The following KPNA7 variants were observed in gnomAD, a reference collection of about 807,000 sequenced individuals.
KPNA7 encodes the protein karyopherin subunit alpha 7.
KPNA7 carries 54 observed loss-of-function variants against 53.7 expected under a neutral mutation model. That is an observed-to-expected ratio of 1.01 (90% CI 0.81 to 1.26). KPNA7 has a LOEUF of 1.26. Among genes scored for constraint, KPNA7 ranks in the 50% most tolerant of loss-of-function variants. The pLI, the probability that KPNA7 is intolerant of heterozygous loss-of-function variation, is 0.00. For missense variants in KPNA7, 640 were observed against 644.5 expected, an observed-to-expected ratio of 0.99 and a Z score of 0.07; for synonymous variants, 276 against 259.3, an observed-to-expected ratio of 1.06 and a Z score of -0.62.
At chr7:99,198,735 CT>C (rs1309574961) in intron 3 of KPNA7, among the ~76,000 whole-genome samples, 1 of 152,104 alleles carries the variant, frequency 6.6e-6, no homozygotes, top group African/African-American at 2.4e-5. Context: ...GGATATTGCT[CT>C]TTTCACTTTT....
intron 6 of KPNA7, among the ~76,000 whole-genome samples, chr7:99,190,544 G>C (rs375164808): frequency 3.9e-5 from 6 of 152,190 alleles, no homozygotes; most frequent in African/African-American, 1.4e-4. Context: ...AAACTTTTTC[G>C]GTAAAGGGCC....
At position 99,188,165 on chromosome 7, in the gene KPNA7, A is replaced by C. The variant is rs556579435; in HGVS notation, c.900+135T>G. ...ATTCCAGCCTGGGTGACAGAGCAAG[A>C]CTCTGTCTCAAAAAAAAAAAAAAAA... On this transcript the variant is annotated intron_variant, in intron 7 of 10. Coordinates refer to ENST00000327442, the MANE Select transcript of KPNA7 (RefSeq NM_001145715.3). The C allele has an allele frequency of 5.2e-4, 424 of 810,242 alleles. 1 individual carries two copies. The highest frequency in any genetic ancestry group is 3.4e-4 in the Non-Finnish European group (192 of 569,850). 50.2% of individuals were successfully genotyped at this position (810,242 alleles called of 1,614,324 possible). A position where few individuals can be genotyped will look rare whatever the true frequency, so the allele number is the denominator to read the frequency against.
intron 3 of KPNA7, among the ~76,000 whole-genome samples, chr7:99,199,651 T>G (rs1222319612): frequency 6.6e-6 from 1 of 152,182 alleles, no homozygotes; most frequent in Non-Finnish European, 1.5e-5. Flanking sequence ...GAAAGAAATA[T>G]AGGCACAAAT....
At chr7:99,194,091 T>A (rs1326109114) in intron 5 of KPNA7, among the ~76,000 whole-genome samples, 1 of 152,074 alleles carries the variant, frequency 6.6e-6, no homozygotes, top group Non-Finnish European at 1.5e-5. Context: ...GTCACGGGAG[T>A]TATTGCTTCT....
At chr7:99,167,650 T>TGG in the KPNA7 span, among the ~76,000 whole-genome samples, 9 of 80,488 alleles carry the variant, frequency 1.1e-4, no homozygotes, top group South Asian at 4.7e-4. Flanking sequence ...TTTTTTTTTT[T>TGG]TTGCATTTTT....
At chr7:99,181,759 T>C in intron 9 of KPNA7, 124 bp downstream of exon 9, 1 of 819,114 alleles carries the variant, frequency 1.2e-6, no homozygotes, top group East Asian at 3.0e-5. Context: ...CTCAAATTCC[T>C]GACCTCAGGT....
At position 99,192,070 on chromosome 7, in the gene KPNA7, T is replaced by C. The variant is rs564471708; in HGVS notation, c.636+949A>G. The stretch of plus-strand genomic sequence containing the variant: ...ACCACAAATCAACCAACCTTGACTC[T>C]AAGCCTCAAAAGAAGAGCCTGTTCC... On this transcript the variant is annotated intron_variant, in intron 6 of 10. Coordinates refer to ENST00000327442, the MANE Select transcript of KPNA7 (RefSeq NM_001145715.3). Among the ~76,000 whole-genome samples the C allele has an allele frequency of 2.6e-5, 4 of 152,314 alleles. No individual in the cohort carries two copies. The South Asian group carries it at 8.3e-4, about 32-fold the overall frequency.
chr7:99,186,550 C>G (rs1007982446), intron 7 of KPNA7, among the ~76,000 whole-genome samples: 2 of 152,096 alleles, frequency 1.3e-5, no homozygotes, highest in Non-Finnish European at 2.9e-5. Flanking sequence ...TGAGACCAGC[C>G]TGGCCAACAT....
At chr7:99,209,493 G>C (rs1193888036), upstream of KPNA7, among the ~76,000 whole-genome samples, 1 of 151,922 alleles carries the variant, frequency 6.6e-6, no homozygotes, top group African/African-American at 2.4e-5. Context: ...AGACCAGCCA[G>C]ACCAACATGG....
intron 8 of KPNA7, among the ~76,000 whole-genome samples, chr7:99,182,355 G>A (rs1482948025): frequency 7.2e-5 from 11 of 152,086 alleles, no homozygotes; most frequent in Non-Finnish European, 1.3e-4. Context: ...GTGCCACCAC[G>A]CCCAGCTAAT....
chr7:99,171,201 C>T (rs1798763689), downstream of KPNA7, among the ~76,000 whole-genome samples: 1 of 152,138 alleles, frequency 6.6e-6, no homozygotes, highest in Admixed American at 6.5e-5. Context: ...GTCTGGGTAA[C>T]AGAGCAAGAC....
At chr7:99,181,471 G>C (rs142031970) in intron 9 of KPNA7, among the ~76,000 whole-genome samples, 1 of 152,158 alleles carries the variant, frequency 6.6e-6, no homozygotes, top group African/African-American at 2.4e-5. Context: ...ATGGTCCTTC[G>C]AGATGGCTCT....
intron 9 of KPNA7, 35 bp downstream of exon 9, chr7:99,181,848 G>C (rs1299496139): frequency 2.0e-6 from 3 of 1,466,076 alleles, no homozygotes; most frequent in Non-Finnish European, 2.7e-6. Context: ...GTTGGAGACA[G>C]CTATTTACAA....
chr7:99,148,989 A>G, the KPNA7 span, among the ~76,000 whole-genome samples: 12 of 142,416 alleles, frequency 8.4e-5, no homozygotes, highest in African/African-American at 2.8e-4. Context: ...TCCACCTCCC[A>G]GATTCAAGCG....
chr7:99,180,770 TCTCTCTCTCTCTCCCC>T, intron 9 of KPNA7, among the ~76,000 whole-genome samples: 1 of 91,998 alleles, frequency 1.1e-5, no homozygotes, highest in African/African-American at 4.4e-5. Flanking sequence ...CCCGTCTGTG[TCTCTCTCTCTCTCCCC>T]GTCTGTGTCT....
At position 99,173,708 on chromosome 7, in the gene KPNA7, CTATT is replaced by C; in HGVS notation, c.1547_1550del (p.Lys516SerfsTer16). On this transcript the variant is annotated frameshift_variant and stop_lost, in exon 11 of 11. Coordinates refer to ENST00000327442, the MANE Select transcript of KPNA7 (RefSeq NM_001145715.3). LOFTEE classifies it high-confidence loss of function. ...TTGGTTTAGGAGGTAGGGAGCTTGGCTATTTTTTTGCTAAGCATTCATAATCTAT... is the reference window on the plus strand; with the variant it reads ...TTGGTTTAGGAGGTAGGGAGCTTGGCTTTTTGCTAAGCATTCATAATCTAT... 1.3e-6 allele frequency: 2 copies of C among 1,548,090 alleles called. No homozygotes were observed. The highest frequency in any genetic ancestry group is 4.9e-5 in the East Asian group (2 of 40,886).
downstream of KPNA7, among the ~76,000 whole-genome samples, chr7:99,168,913 C>T (rs918150067): frequency 6.6e-6 from 1 of 152,176 alleles, no homozygotes; most frequent in Non-Finnish European, 1.5e-5. Flanking sequence ...AATGTAACCA[C>T]GGTGGCTCAC....
chr7:99,146,711 TAAAAAAAAAAAAAAAAAA>T, the KPNA7 span, among the ~76,000 whole-genome samples: 2,453 of 70,446 alleles, frequency 0.035, 61 homozygotes, highest in South Asian at 0.075. Context: ...GACTGTGTCT[TAAAAAAAAAAAAAAAAAA>T]AAAAAAAAAA....
In KPNA7 at chr7:99,181,903, C is replaced by T. The variant is rs1789265946; in HGVS notation, c.1297G>A (p.Val433Ile). ...CTCACCTGGAGGATGCAAGAGATGACATCAAGGATGATGAGAACAATTTTA... is the reference window on the plus strand; with the variant it reads ...CTCACCTGGAGGATGCAAGAGATGATATCAAGGATGATGAGAACAATTTTA... ...DVKIVLIILDVISCILQAAEK... is the reference protein window; with the variant it reads ...DVKIVLIILDIISCILQAAEK... Residue 433 changes from valine (V) to isoleucine (I), a missense_variant, in exon 9 of 11, where the codon GTC (valine) becomes ATC (isoleucine). Physicochemically the swap from Val to Ile is conservative, Grantham distance 29. Transcript: ENST00000327442. 3 of 1,549,282 alleles carry T rather than the reference C, an allele frequency of 1.9e-6. No homozygotes were observed. In the Admixed American group the frequency reaches 5.9e-5, roughly 30 times the overall value.
Sources: gnomAD v4.1 joint callset for allele counts (sites outside exome capture counted in the v4.1 genomes callset) on GRCh38, gnomAD v4.1.1 for gene constraint, MANE v1.5 for transcripts, NCBI Gene and HGNC (gene_info 2026-07-23, HGNC 2026-07-21) for gene names.